The following MAML2 variants were observed in gnomAD, a reference collection of about 807,000 sequenced individuals.
MAML2 encodes mastermind like transcriptional coactivator 2.
A neutral mutation model predicts 96.1 loss-of-function variants in MAML2; 22 were observed. The observed-to-expected ratio is 0.23, with a 90% CI of 0.16 to 0.33. The LOEUF (loss-of-function observed/expected upper bound fraction) is 0.33. Among genes scored for constraint, MAML2 ranks in the 10% least tolerant of loss-of-function variants. The probability of loss-of-function intolerance (pLI) is 1.00; values close to 1 mark genes in which losing one functional copy is unlikely to be tolerated. For missense variants in MAML2, 1,367 were observed against 1,392.4 expected, an observed-to-expected ratio of 0.98 and a Z score of 0.29; for synonymous variants, 561 against 521.3, an observed-to-expected ratio of 1.08 and a Z score of -1.04.
At chr11:96,303,560 T>C (rs1863420042) in intron 1 of MAML2, among the ~76,000 whole-genome samples, 1 of 152,152 alleles carries the variant, frequency 6.6e-6, no homozygotes, top group Non-Finnish European at 1.5e-5. Context: ...CATATAAATT[T>C]TTTATAATAA....
At chr11:96,054,757 T>G (rs935277568) in intron 2 of MAML2, among the ~76,000 whole-genome samples, 1 of 152,304 alleles carries the variant, frequency 6.6e-6, no homozygotes, top group Middle Eastern at 3.4e-3. Flanking sequence ...AGTTATCATT[T>G]CTCAGAAGAT....
At chr11:96,180,188 A>G (rs1357182622) in intron 1 of MAML2, among the ~76,000 whole-genome samples, 1 of 152,042 alleles carries the variant, frequency 6.6e-6, no homozygotes, top group African/African-American at 2.4e-5. Context: ...TAAGTTTGTG[A>G]TGGATGGTGT....
At chr11:96,326,763 A>AAAATAAAT (rs146947017) in intron 1 of MAML2, among the ~76,000 whole-genome samples, 367 of 152,008 alleles carry the variant, frequency 2.4e-3, no homozygotes, top group African/African-American at 8.0e-3. Flanking sequence ...AAAGTCTGTC[A>AAAATAAAT]AAGTAAATAA....
chr11:96,115,492 C>A (rs1860220416), intron 1 of MAML2, among the ~76,000 whole-genome samples: 1 of 151,524 alleles, frequency 6.6e-6, no homozygotes, highest in Non-Finnish European at 1.5e-5. Flanking sequence ...TTTTTAAACC[C>A]CATTCATACT....
chr11:96,118,682 G>A (rs533435564), intron 1 of MAML2, among the ~76,000 whole-genome samples: 14 of 152,242 alleles, frequency 9.2e-5, no homozygotes, highest in African/African-American at 3.4e-4. Context: ...CCACAATAAT[G>A]AAGGTAGGAA....
At chr11:96,128,285 T>C (rs1165166769) in intron 1 of MAML2, among the ~76,000 whole-genome samples, 1 of 152,066 alleles carries the variant, frequency 6.6e-6, no homozygotes, top group Non-Finnish European at 1.5e-5. Flanking sequence ...TCCCAACTAC[T>C]TGGGAGGCTG....
chr11:95,980,167 T>C (rs1668016698), intron 4 of MAML2, among the ~76,000 whole-genome samples: 1 of 152,178 alleles, frequency 6.6e-6, no homozygotes, highest in Admixed American at 6.6e-5. Flanking sequence ...TTCAGAAGTT[T>C]ACATATTACA....
At chr11:96,274,485 T>C (rs909214758) in intron 1 of MAML2, among the ~76,000 whole-genome samples, 1 of 152,216 alleles carries the variant, frequency 6.6e-6, no homozygotes, top group African/African-American at 2.4e-5. Context: ...GTTTCTCTGT[T>C]AACTATAAAG....
At chr11:96,195,907 C>T (rs1464496613) in intron 1 of MAML2, among the ~76,000 whole-genome samples, 2 of 152,188 alleles carry the variant, frequency 1.3e-5, no homozygotes, top group Admixed American at 1.3e-4. Flanking sequence ...TTAATGTTCT[C>T]TCTCTCCCTT....
At chr11:96,174,001 G>C (rs1565237650) in intron 1 of MAML2, among the ~76,000 whole-genome samples, 1 of 152,200 alleles carries the variant, frequency 6.6e-6, no homozygotes, top group Non-Finnish European at 1.5e-5. Flanking sequence ...GTAAAACGGT[G>C]ATGAAAACAT....
At chr11:96,233,144 T>C (rs567380805) in intron 1 of MAML2, among the ~76,000 whole-genome samples, 101 of 152,244 alleles carry the variant, frequency 6.6e-4, no homozygotes, top group African/African-American at 2.4e-3. Context: ...CTGTCACCAA[T>C]AGAAAAGCAA....
At chr11:95,995,215 A>G (rs1857973173) in intron 2 of MAML2, among the ~76,000 whole-genome samples, 1 of 152,200 alleles carries the variant, frequency 6.6e-6, no homozygotes, top group Non-Finnish European at 1.5e-5. Flanking sequence ...AGAAATGTAG[A>G]GGTCTCAGTT....
At chr11:96,234,983 C>A (rs1862347680) in intron 1 of MAML2, among the ~76,000 whole-genome samples, 1 of 152,130 alleles carries the variant, frequency 6.6e-6, no homozygotes, top group African/African-American at 2.4e-5. Context: ...GACACAAAGA[C>A]AATCCTGAAA....
intron 1 of MAML2, among the ~76,000 whole-genome samples, chr11:96,183,396 C>CTTT (rs369639237): frequency 1.3e-5 from 1 of 77,668 alleles, no homozygotes; most frequent in African/African-American, 5.0e-5. Flanking sequence ...CCGTTCCTCC[C>CTTT]CCCCCCCCCT....
At chr11:96,309,878 T>C (rs1863513621) in intron 1 of MAML2, among the ~76,000 whole-genome samples, 1 of 152,016 alleles carries the variant, frequency 6.6e-6, no homozygotes, top group South Asian at 2.1e-4. Context: ...TTATACATTT[T>C]TTTTTGTAGA....
At chr11:96,259,345 C>A (rs1862715683) in intron 1 of MAML2, among the ~76,000 whole-genome samples, 1 of 152,140 alleles carries the variant, frequency 6.6e-6, no homozygotes, top group African/African-American at 2.4e-5. Context: ...CCCCTTGCAA[C>A]CGTAAGTCAT....
At chr11:96,165,512 G>T (rs1861176835) in intron 1 of MAML2, among the ~76,000 whole-genome samples, 1 of 151,956 alleles carries the variant, frequency 6.6e-6, no homozygotes, top group African/African-American at 2.4e-5. Context: ...AAATAATACT[G>T]TAATAAATAT....
rs553107177 is a variant in MAML2 at position 96,303,675 on chromosome 11, G to A, written c.513+37708C>T. The stretch of plus-strand genomic sequence containing the variant: ...GGTCACTGGCCTGTGAATAAGATAG[G>A]CTGAATACAAGACACACAATGAGTG... On this transcript the variant is annotated intron_variant, in intron 1 of 4. Transcript: ENST00000524717. Among the ~76,000 whole-genome samples, 8 of 152,222 alleles carry A rather than the reference G, an allele frequency of 5.3e-5. No individual in the cohort carries two copies. In the South Asian group the frequency reaches 1.5e-3, roughly 28 times the overall value.
intron 1 of MAML2, among the ~76,000 whole-genome samples, chr11:96,236,667 G>C (rs1565258299): frequency 6.6e-6 from 1 of 152,062 alleles, no homozygotes; most frequent in Non-Finnish European, 1.5e-5. Context: ...CCGCTTGAGA[G>C]TTTTTATAAA....
Sources: gnomAD v4.1 joint callset for allele counts (sites outside exome capture counted in the v4.1 genomes callset) on GRCh38, gnomAD v4.1.1 for gene constraint, MANE v1.5 for transcripts, NCBI Gene and HGNC (gene_info 2026-07-23, HGNC 2026-07-21) for gene names.